The following KCNN2 variants were observed in gnomAD, a reference collection of about 807,000 sequenced individuals.
KCNN2 encodes small conductance calcium-activated potassium channel protein 2.
A neutral mutation model predicts 55.5 loss-of-function variants in KCNN2; 24 were observed. The observed-to-expected ratio is 0.43, with a 90% CI of 0.31 to 0.61. The LOEUF (loss-of-function observed/expected upper bound fraction) is 0.61. KCNN2 is among the 20% of genes least tolerant of loss of function. KCNN2 has a pLI of 0.08. For synonymous variants in KCNN2, 431 were observed against 336.1 expected, an observed-to-expected ratio of 1.28 and a Z score of -3.09; for missense variants, 754 against 853.6, an observed-to-expected ratio of 0.88 and a Z score of 1.45.
intron 1 of KCNN2, among the ~76,000 whole-genome samples, chr5:114,080,813 A>G (rs945531608): frequency 3.3e-5 from 5 of 152,158 alleles, no homozygotes; most frequent in African/African-American, 7.2e-5. Flanking sequence ...TCAACATAGT[A>G]TTTAAAGTTC....
chr5:114,447,175 A>G (rs1234901352), intron 3 of KCNN2, among the ~76,000 whole-genome samples: 13 of 152,178 alleles, frequency 8.5e-5, no homozygotes, highest in Non-Finnish European at 1.5e-5. Flanking sequence ...ACACATGCAA[A>G]TACTTATTTA....
chr5:114,065,751 G>T (rs1304027938), intron 1 of KCNN2, among the ~76,000 whole-genome samples: 2 of 150,908 alleles, frequency 1.3e-5, no homozygotes, highest in Non-Finnish European at 2.9e-5. Context: ...AGTCTTTCCT[G>T]GTATAGAGTG....
chr5:114,340,404 G>GTA (rs1483840736), intron 2 of KCNN2, among the ~76,000 whole-genome samples: 18 of 152,058 alleles, frequency 1.2e-4, no homozygotes, highest in Non-Finnish European at 2.6e-4. Flanking sequence ...AAGTATATGT[G>GTA]TATATATATT....
rs112327053 is a variant in KCNN2 at position 114,268,289 on chromosome 5, A to C, written c.-185+46724A>C. On this transcript the variant is annotated intron_variant, in intron 2 of 10. Coordinates refer to the KCNN2 transcript ENST00000512097. ...TCTCAGTCATCAGCCTTTAATACTA[A>C]TACACAATTTTATGATTATTATCCT... Among the ~76,000 whole-genome samples the C allele has an allele frequency of 5.5e-3, 835 of 152,320 alleles. 3 individuals are homozygous for C. Among genetic ancestry groups the C allele is most frequent in the Non-Finnish European group, 9.8e-3 (665 of 68,028 alleles).
chr5:114,233,521 G>T (rs1278449468), intron 2 of KCNN2, among the ~76,000 whole-genome samples: 1 of 151,956 alleles, frequency 6.6e-6, no homozygotes, highest in African/African-American at 2.4e-5. Context: ...TTTCTCCCTT[G>T]ACTCTGTTTT....
intron 1 of KCNN2, among the ~76,000 whole-genome samples, chr5:114,111,777 G>A (rs1424234113): frequency 6.6e-6 from 1 of 152,198 alleles, no homozygotes; most frequent in Non-Finnish European, 1.5e-5. Context: ...ACCACAATGA[G>A]ATACCATCTC....
At chr5:114,108,588 A>G (rs978444347) in intron 1 of KCNN2, among the ~76,000 whole-genome samples, 3 of 152,062 alleles carry the variant, frequency 2.0e-5, no homozygotes, top group Non-Finnish European at 4.4e-5. Flanking sequence ...CTTTTCCTGA[A>G]CTTCAACAAA....
upstream of KCNN2, among the ~76,000 whole-genome samples, chr5:114,357,739 G>A (rs1757323141): frequency 7.2e-6 from 1 of 138,686 alleles, no homozygotes; most frequent in Non-Finnish European, 1.6e-5. Flanking sequence ...TTGCTATTGT[G>A]AATAATGCCG....
intron 1 of KCNN2, among the ~76,000 whole-genome samples, chr5:114,155,033 C>T (rs560531793): frequency 6.6e-5 from 10 of 152,150 alleles, no homozygotes; most frequent in Admixed American, 2.0e-4. Flanking sequence ...TCTGCTCCCT[C>T]CTCACACTCT....
chr5:114,373,720 T>G (rs1447720322), intron 2 of KCNN2, among the ~76,000 whole-genome samples: 3 of 140,794 alleles, frequency 2.1e-5, no homozygotes, highest in African/African-American at 7.7e-5. Flanking sequence ...CTCTTGGTTA[T>G]TGTTCACTAT....
intron 1 of KCNN2, among the ~76,000 whole-genome samples, chr5:114,110,438 G>T (rs1751573749): frequency 6.6e-6 from 1 of 151,978 alleles, no homozygotes; most frequent in Non-Finnish European, 1.5e-5. Flanking sequence ...AATTTCTCTT[G>T]CTCTCAGACA....
At chr5:114,209,399 A>G (rs1351257971) in intron 1 of KCNN2, among the ~76,000 whole-genome samples, 6 of 151,626 alleles carry the variant, frequency 4.0e-5, no homozygotes, top group Non-Finnish European at 8.8e-5. Context: ...TTTTTAAAGC[A>G]TTTTCATTGG....
chr5:114,432,918 C>T (rs1042101849), intron 3 of KCNN2, among the ~76,000 whole-genome samples: 43 of 152,342 alleles, frequency 2.8e-4, no homozygotes, highest in Non-Finnish European at 3.4e-4. Context: ...TGCCTTCCCG[C>T]GGGGCATGGC....
chr5:114,130,890 TG>T (rs1752058115), intron 1 of KCNN2, among the ~76,000 whole-genome samples: 1 of 152,194 alleles, frequency 6.6e-6, no homozygotes, highest in Admixed American at 6.5e-5. Flanking sequence ...AAAAGCTCGG[TG>T]CTTTCATCTT....
chr5:114,323,567 A>G (rs1756653837), intron 2 of KCNN2, among the ~76,000 whole-genome samples: 1 of 150,214 alleles, frequency 6.7e-6, no homozygotes, highest in African/African-American at 2.4e-5. Flanking sequence ...AAGATATGGT[A>G]TGATTTGTTC....
intron 2 of KCNN2, among the ~76,000 whole-genome samples, chr5:114,386,927 T>C (rs1758308033): frequency 6.6e-6 from 1 of 152,216 alleles, no homozygotes; most frequent in Non-Finnish European, 1.5e-5. Context: ...TGTCCTTACT[T>C]TCTTCATCCT....
At chr5:114,453,322 A>G (rs1481408050) in intron 3 of KCNN2, among the ~76,000 whole-genome samples, 2 of 152,180 alleles carry the variant, frequency 1.3e-5, no homozygotes, top group Non-Finnish European at 2.9e-5. Flanking sequence ...TGCATTGCCT[A>G]CCTCTTTTCC....
chr5:114,149,080 A>G (rs796367097), intron 1 of KCNN2, among the ~76,000 whole-genome samples: 88 of 152,254 alleles, frequency 5.8e-4, no homozygotes, highest in African/African-American at 2.0e-3. Flanking sequence ...ATATTTTTCA[A>G]TAGTCTGAAA....
chr5:114,098,643 C>T (rs982398968), intron 1 of KCNN2, among the ~76,000 whole-genome samples: 6 of 151,964 alleles, frequency 3.9e-5, no homozygotes, highest in Non-Finnish European at 2.9e-5. Context: ...TTGTCTCCCA[C>T]GAAACTGGTC....
Sources: allele counts gnomAD v4.1 joint callset (sites outside exome capture counted in the v4.1 genomes callset), GRCh38; gene constraint gnomAD v4.1.1; transcripts MANE v1.5; gene names NCBI Gene and HGNC (gene_info 2026-07-23, HGNC 2026-07-21).